Variants in LY86 observed in about 807,000 individuals in gnomAD.
The protein encoded by LY86 is MD-1, RP105-associated.
A neutral mutation model predicts 17.3 loss-of-function variants in LY86; 20 were observed. That is an observed-to-expected ratio of 1.15 (90% CI 0.81 to 1.68). The LOEUF is 1.68. LY86 is among the 40% of genes most tolerant of loss of function. The pLI is 0.00. For synonymous variants in LY86, 74 were observed against 70.6 expected (o/e 1.05, Z -0.24); for missense variants, 200 against 191.9 (o/e 1.04, Z -0.25).
Position 6,595,142 on chromosome 6 carries a change from GAA to G in LY86, c.136+6274_136+6275del, listed in dbSNP as rs1265577223. ...AGAGAGGGAGGTGGTGAGGGAGAGG[GAA>G]AGAGAGGAGGAGAGAAAAGAGCGGA... On this transcript the variant is annotated intron_variant, in intron 1 of 4. Coordinates refer to ENST00000230568, the MANE Select transcript of LY86 (RefSeq NM_004271.4). 6.8e-4 allele frequency among the ~76,000 whole-genome samples: 103 copies of G among 151,488 alleles called. 3 individuals carry two copies. The East Asian group carries it at 0.016, about 24-fold the overall frequency.
chr6:6,649,479 A>G, intron 3 of LY86, 146 bp from the exon 4 acceptor site: 1 of 598,352 alleles, frequency 1.7e-6, no homozygotes. Flanking sequence ...GTAGGTGTAG[A>G]TCAGGAAATG....
chr6:6,604,638 C>A (rs1009346099), intron 1 of LY86, among the ~76,000 whole-genome samples: 18 of 152,070 alleles, frequency 1.2e-4, no homozygotes, highest in African/African-American at 4.3e-4. Flanking sequence ...TTTTCCAGAA[C>A]TGCAAAAGAC....
chr6:6,598,226 T>C (rs75910813), intron 1 of LY86, among the ~76,000 whole-genome samples: 6,094 of 152,320 alleles, frequency 0.04, 171 homozygotes, highest in Middle Eastern at 0.12. Flanking sequence ...TATAGCAGAT[T>C]TTTTTAATTT....
Position 6,649,970 on chromosome 6 carries a change from G to A in LY86, c.405+293G>A, listed in dbSNP as rs78361905. 7.9e-3 allele frequency among the ~76,000 whole-genome samples: 1,202 copies of A among 152,310 alleles called. 10 individuals are homozygous for A. The highest frequency in any genetic ancestry group is 0.028 in the South Asian group (133 of 4,822). ...GTACAAACCTCCCACTGAGAGGGATGCCGGCGTCTTGTCCAGCAGGATTAC... is the reference window on the plus strand; with the variant it reads ...GTACAAACCTCCCACTGAGAGGGATACCGGCGTCTTGTCCAGCAGGATTAC... On this transcript the variant is annotated intron_variant, in intron 4 of 4. Transcript: ENST00000230568.
chr6:6,599,186 G>T (rs1432883284), intron 1 of LY86, among the ~76,000 whole-genome samples: 2 of 152,132 alleles, frequency 1.3e-5, no homozygotes, highest in African/African-American at 4.8e-5. Context: ...CTAATGCTTG[G>T]GACATGACCC....
rs1041431272 is a variant in LY86 at position 6,625,119 on chromosome 6, C to T, written c.223+107C>T. The T allele has an allele frequency of 4.7e-5, 26 of 555,310 alleles. No individual in the cohort carries two copies. In the African/African-American group the frequency reaches 4.9e-4, roughly 11 times the overall value. The allele number at this position is 555,310 out of a possible 1,614,324, so 34.4% of individuals were successfully genotyped here. On this transcript the variant is annotated intron_variant, in intron 2 of 4. Coordinates refer to ENST00000230568, the MANE Select transcript of LY86 (RefSeq NM_004271.4). ...TGTAATGACTGGCTAAACTACTGTT[C>T]CCTCACCACTCTCTGGAATTAACTC...
At position 6,633,560 on chromosome 6, in the gene LY86, AT is replaced by A. The variant is rs1047792279; in HGVS notation, c.352+7144del. Among the ~76,000 whole-genome samples, 7 of 151,772 alleles carry A rather than the reference AT, an allele frequency of 4.6e-5. 1 individual carries two copies. Among genetic ancestry groups the A allele is most frequent in the Admixed American group, 3.3e-4 (5 of 15,246 alleles). On this transcript the variant is annotated intron_variant, in intron 3 of 4. Coordinates refer to ENST00000230568, the MANE Select transcript of LY86 (RefSeq NM_004271.4). ...GTATTAAGCCCAACGTCTATTAGCT[AT>A]TTTTCCGATGCTCTCCCTCCTCCCA...
intron 3 of LY86, among the ~76,000 whole-genome samples, chr6:6,642,382 G>A (rs914189252): frequency 1.3e-5 from 2 of 152,238 alleles, no homozygotes; most frequent in African/African-American, 4.8e-5. Flanking sequence ...AGGCTCAGAG[G>A]ATAAGAGTTG....
chr6:6,602,362 A>C (rs768552983), intron 1 of LY86, among the ~76,000 whole-genome samples: 6 of 152,172 alleles, frequency 3.9e-5, no homozygotes, highest in Non-Finnish European at 7.3e-5. Context: ...ATACCCACAA[A>C]CACCACTAAA....
At position 6,592,294 on chromosome 6, in the gene LY86, CT is replaced by C. The variant is rs1467658845; in HGVS notation, c.136+3425del. Among the ~76,000 whole-genome samples the C allele has an allele frequency of 2.0e-5, 3 of 152,220 alleles. No homozygotes were observed. The East Asian group carries it at 5.8e-4, about 29-fold the overall frequency. On this transcript the variant is annotated intron_variant, in intron 1 of 4. Coordinates refer to ENST00000230568, the MANE Select transcript of LY86 (RefSeq NM_004271.4). Reference sequence around the variant, plus strand: ...AATGACACAGGAAAGAAGAGAGCCACTGTCTTTACTAAAGCAAAAGGAGGAG... The same window carrying C: ...AATGACACAGGAAAGAAGAGAGCCACGTCTTTACTAAAGCAAAAGGAGGAG...
chr6:6,619,218 T>C (rs1386591905), intron 1 of LY86, among the ~76,000 whole-genome samples: 2 of 152,222 alleles, frequency 1.3e-5, no homozygotes, highest in Non-Finnish European at 2.9e-5. Flanking sequence ...GCTGGCAGAA[T>C]TGGCCATCAG....
intron 1 of LY86, among the ~76,000 whole-genome samples, chr6:6,618,089 C>T (rs573304403): frequency 6.6e-6 from 1 of 152,338 alleles, no homozygotes; most frequent in South Asian, 2.1e-4. Context: ...GATCCATCTG[C>T]CTCGGCCTCC....
At chr6:6,649,484 G>GGCGCCGT in intron 3 of LY86, 141 bp from the exon 4 acceptor site, 1 of 593,166 alleles carries the variant, frequency 1.7e-6, no homozygotes, top group South Asian at 2.2e-5. Context: ...TGTAGATCAG[G>GGCGCCGT]AAATGAAAAC....
intron 1 of LY86, among the ~76,000 whole-genome samples, chr6:6,597,919 T>C (rs565041215): frequency 1.5e-4 from 23 of 152,248 alleles, no homozygotes; most frequent in Non-Finnish European, 3.4e-4. Context: ...CCTTCCCTTC[T>C]GGCCAGTGGA....
intron 4 of LY86, 92 bp from the exon 5 acceptor site, chr6:6,654,452 C>T: frequency 1.1e-6 from 1 of 939,476 alleles, no homozygotes; most frequent in Non-Finnish European, 1.7e-6. Context: ...CAGAACAGCA[C>T]CCAGCACATA....
chr6:6,603,603 C>CAACAAAAAAA (rs1207511602), intron 1 of LY86, among the ~76,000 whole-genome samples: 1 of 70,450 alleles, frequency 1.4e-5, no homozygotes, highest in Non-Finnish European at 3.2e-5. Flanking sequence ...AAAACAGAAA[C>CAACAAAAAAA]AGAAAAAAAA....
chr6:6,607,046 T>TGAACACTAGGAG (rs1311736105), intron 1 of LY86, among the ~76,000 whole-genome samples: 3 of 152,232 alleles, frequency 2.0e-5, no homozygotes, highest in African/African-American at 4.8e-5. Flanking sequence ...GCACGGGACG[T>TGAACACTAGGAG]GAACACTAGG....
At chr6:6,620,320 A>G (rs1027933180) in intron 1 of LY86, among the ~76,000 whole-genome samples, 1 of 152,194 alleles carries the variant, frequency 6.6e-6, no homozygotes, top group Non-Finnish European at 1.5e-5. Context: ...CTGTGAAAAT[A>G]TAATTATTTC....
chr6:6,650,339 G>GTTTTTTTTTTTTTTTTTTT (rs138255515), intron 4 of LY86, among the ~76,000 whole-genome samples: 1 of 148,036 alleles, frequency 6.8e-6, no homozygotes, highest in African/African-American at 2.5e-5. Flanking sequence ...CTCAGATAAT[G>GTTTTTTTTTTTTTTTTTTT]GTTTTTTTTT....
Sources: gnomAD v4.1 joint callset for allele counts (sites outside exome capture counted in the v4.1 genomes callset) on GRCh38, gnomAD v4.1.1 for gene constraint, MANE v1.5 for transcripts, NCBI Gene and HGNC (gene_info 2026-07-23, HGNC 2026-07-21) for gene names.